The following LRBA variants were observed in gnomAD, a reference collection of about 807,000 sequenced individuals.
LRBA encodes LPS responsive beige-like anchor protein, also known as lipopolysaccharide-responsive and beige-like anchor protein.
In LRBA, 176 loss-of-function variants were observed where a neutral mutation model predicts 330.0. The observed-to-expected ratio is 0.53, with a 90% CI of 0.47 to 0.60. The LOEUF (loss-of-function observed/expected upper bound fraction) is 0.60, where lower values mean the gene tolerates loss of function less well. Among genes scored for constraint, LRBA ranks in the 20% least tolerant of loss-of-function variants. The pLI is 0.00. For missense variants in LRBA, 3,259 were observed against 3,444.8 expected (o/e 0.95, Z 1.35); for synonymous variants, 1,230 against 1,193.0 (o/e 1.03, Z -0.64).
chr4:150,619,006 G>T (rs528146283), intron 37 of LRBA, among the ~76,000 whole-genome samples: 69 of 151,864 alleles, frequency 4.5e-4, no homozygotes, highest in Non-Finnish European at 8.4e-4. Context: ...ATTTTAATTT[G>T]CTGGAGAAAT....
chr4:150,938,297 C>T (rs1735308761), intron 2 of LRBA, among the ~76,000 whole-genome samples: 1 of 152,068 alleles, frequency 6.6e-6, no homozygotes, highest in Admixed American at 6.6e-5. Flanking sequence ...AAAGTGTCAA[C>T]CTCAAGATAT....
intron 44 of LRBA, among the ~76,000 whole-genome samples, chr4:150,449,159 G>T (rs1186654354): frequency 1.3e-5 from 2 of 152,138 alleles, no homozygotes; most frequent in Non-Finnish European, 2.9e-5. Flanking sequence ...TGCACATGGG[G>T]AAAGAGTACG....
chr4:150,438,367 C>G (rs192945029), intron 44 of LRBA, among the ~76,000 whole-genome samples: 16 of 152,166 alleles, frequency 1.1e-4, no homozygotes, highest in African/African-American at 3.4e-4. Context: ...CCTGTAATCC[C>G]AGCTACTCGG....
intron 37 of LRBA, among the ~76,000 whole-genome samples, chr4:150,643,920 C>T (rs1253973132): frequency 6.6e-6 from 1 of 151,944 alleles, no homozygotes; most frequent in Non-Finnish European, 1.5e-5. Flanking sequence ...TTTTGCACTA[C>T]AAAAGCAGAG....
intron 47 of LRBA, among the ~76,000 whole-genome samples, chr4:150,407,318 G>C (rs1044652214): frequency 6.6e-6 from 1 of 152,170 alleles, no homozygotes; most frequent in Non-Finnish European, 1.5e-5. Context: ...CCAAGTGTTT[G>C]CAGTAATTTG....
intron 47 of LRBA, among the ~76,000 whole-genome samples, chr4:150,381,060 C>T (rs895412548): frequency 6.7e-6 from 1 of 149,002 alleles, no homozygotes; most frequent in African/African-American, 2.5e-5. Context: ...GGAAATAGTT[C>T]AACAAGCCGA....
chr4:150,693,244 T>C (rs1442612852), intron 36 of LRBA, among the ~76,000 whole-genome samples: 2 of 152,210 alleles, frequency 1.3e-5, no homozygotes, highest in African/African-American at 4.8e-5. Flanking sequence ...ATACATGTTT[T>C]ATAATTCCAT....
At chr4:150,518,598 C>T (rs999863299) in intron 40 of LRBA, among the ~76,000 whole-genome samples, 7 of 152,126 alleles carry the variant, frequency 4.6e-5, no homozygotes, top group African/African-American at 1.4e-4. Context: ...GAGAATTCTT[C>T]GCCTACAACC....
chr4:150,382,380 T>C (rs1257759719), intron 47 of LRBA, among the ~76,000 whole-genome samples: 1 of 152,008 alleles, frequency 6.6e-6, no homozygotes, highest in African/African-American at 2.4e-5. Flanking sequence ...TCTTAGCACT[T>C]TGGGAGGTTA....
chr4:150,634,882 T>G (rs764240738), intron 37 of LRBA, among the ~76,000 whole-genome samples: 2 of 152,006 alleles, frequency 1.3e-5, no homozygotes, highest in Non-Finnish European at 2.9e-5. Context: ...CTCTAGAGGG[T>G]GGATCCCTGC....
At chr4:150,553,662 T>C (rs1368617973) in intron 40 of LRBA, among the ~76,000 whole-genome samples, 1 of 152,122 alleles carries the variant, frequency 6.6e-6, no homozygotes, top group East Asian at 1.9e-4. Context: ...CCATATCCTG[T>C]ACAATTACAC....
At chr4:150,569,856 C>G (rs1331050613) in intron 40 of LRBA, among the ~76,000 whole-genome samples, 1 of 151,906 alleles carries the variant, frequency 6.6e-6, no homozygotes, top group Non-Finnish European at 1.5e-5. Context: ...AAAGAACTGA[C>G]CTGTGTTAAA....
chr4:150,928,664 C>G (rs751155446), intron 3 of LRBA, 48 bp from the exon 4 acceptor site: 1 of 1,470,586 alleles, frequency 6.8e-7, no homozygotes. Flanking sequence ...TTATATTTCT[C>G]GAATATTTAA....
intron 46 of LRBA, among the ~76,000 whole-genome samples, chr4:150,416,320 T>C (rs990101090): frequency 6.6e-6 from 1 of 152,214 alleles, no homozygotes; most frequent in Admixed American, 6.5e-5. Flanking sequence ...GGGTCAGTGG[T>C]TCAGTGGTCT....
chr4:150,979,225 A>C (rs72721722), intron 2 of LRBA, among the ~76,000 whole-genome samples: 167 of 152,340 alleles, frequency 1.1e-3, no homozygotes, highest in Non-Finnish European at 1.7e-3. Flanking sequence ...GCCACATGAG[A>C]GTGGCATGAA....
At chr4:150,652,548 A>G (rs997053811) in intron 37 of LRBA, among the ~76,000 whole-genome samples, 5 of 152,212 alleles carry the variant, frequency 3.3e-5, no homozygotes, top group African/African-American at 1.2e-4. Flanking sequence ...AATCACATAT[A>G]CATTTTAAAG....
chr4:150,487,864 C>A lies in LRBA; in HGVS notation c.6449-30G>T, dbSNP rs190336081. ...AACAGATGATTTTTAAAAATTAGAA[C>A]ACAGTATAACTTCCTTTCTGGAAAA... On this transcript the variant is annotated intron_variant, in intron 41 of 56. Coordinates refer to ENST00000651943, the MANE Select transcript of LRBA (RefSeq NM_001364905.1). The A allele has an allele frequency of 6.9e-4, 860 of 1,253,644 alleles. 1 individual carries two copies. Among genetic ancestry groups the A allele is most frequent in the Non-Finnish European group, 9.3e-4 (807 of 870,072 alleles). 77.7% of individuals were successfully genotyped at this position (1,253,644 alleles called of 1,614,324 possible).
chr4:150,845,382 G>C (rs1015988675), intron 26 of LRBA, among the ~76,000 whole-genome samples: 21 of 152,178 alleles, frequency 1.4e-4, no homozygotes, highest in Non-Finnish European at 1.3e-4. Flanking sequence ...ATGGGAGACA[G>C]GAAAGGGAAT....
chr4:150,639,795 ATATATATATATGTGTGTGTGTGTG>A (rs1561457618), intron 37 of LRBA, among the ~76,000 whole-genome samples: 93 of 4,472 alleles, frequency 0.021, 4 homozygotes, highest in Non-Finnish European at 0.034. Context: ...GTGTGTGTAT[ATATATATATATGTGTGTGTGTGTG>A]TATATATATA....
Sources: gnomAD v4.1 joint callset for allele counts (sites outside exome capture counted in the v4.1 genomes callset) on GRCh38, gnomAD v4.1.1 for gene constraint, MANE v1.5 for transcripts, NCBI Gene and HGNC (gene_info 2026-07-23, HGNC 2026-07-21) for gene names.